The following ABHD17A variants were observed in gnomAD, a reference collection of about 807,000 sequenced individuals.
ABHD17A encodes the protein abhydrolase domain containing 17A, depalmitoylase, also known as alpha/beta hydrolase domain-containing protein 17A.
ABHD17A carries 10 observed loss-of-function variants against 26.8 expected under a neutral mutation model. That is an observed-to-expected ratio of 0.37 (90% confidence interval 0.23 to 0.63). ABHD17A has a LOEUF of 0.63. Among genes scored for constraint, ABHD17A ranks in the 30% least tolerant of loss-of-function variants. The pLI, the probability that ABHD17A is intolerant of heterozygous loss-of-function variation, is 0.61. For synonymous variants in ABHD17A, 167 were observed against 210.9 expected, an observed-to-expected ratio of 0.79 and a Z score of 1.80; for missense variants, 292 against 457.3, an observed-to-expected ratio of 0.64 and a Z score of 3.30.
At chr19:1,881,835 T>C (rs1193646036) in intron 1 of ABHD17A, 31 bp from the exon 2 acceptor site, 3 of 421,268 alleles carry the variant, frequency 7.1e-6, no homozygotes, top group African/African-American at 2.1e-5. Flanking sequence ...GTGGGGTCCT[T>C]TGGGGGTGCC....
At position 1,881,324 on chromosome 19, in the gene ABHD17A, G is replaced by A. The variant is rs778458570; in HGVS notation, c.243C>T (p.Arg81=). ...GGAAGACCTCGATGGTGTCCAGCTCGCGCTGGCTGTACTGGAAGTCGGCAC... is the reference window on the plus strand; with the variant it reads ...GGAAGACCTCGATGGTGTCCAGCTCACGCTGGCTGTACTGGAAGTCGGCAC... ...TERADFQYSQ[R]ELDTIEVFPT... Residue 81 remains arginine (R), a synonymous_variant, in exon 2 of 5, where the codon CGC becomes CGT. Transcript: ENST00000292577. 18 of 1,610,570 alleles carry A rather than the reference G, an allele frequency of 1.1e-5. 1 individual carries two copies. The highest frequency in any genetic ancestry group is 7.7e-5 in the South Asian group (7 of 90,998).
At chr19:1,884,358 C>T (rs2012617458) in intron 1 of ABHD17A, among the ~76,000 whole-genome samples, 1 of 152,154 alleles carries the variant, frequency 6.6e-6, no homozygotes, top group Non-Finnish European at 1.5e-5. Flanking sequence ...TGGAACCTCC[C>T]TAGTGTCACT....
chr19:1,882,263 C>T (rs2012561930), intron 1 of ABHD17A: 1 of 152,362 alleles, frequency 6.6e-6, no homozygotes, highest in South Asian at 2.1e-4. Flanking sequence ...CTGAAGGGAC[C>T]CACGAGGGAC....
At chr19:1,883,266 A>G (rs897049950) in intron 1 of ABHD17A, 4 of 152,280 alleles carry the variant, frequency 2.6e-5, no homozygotes, top group Admixed American at 2.6e-4. Context: ...ACACCTGTCA[A>G]TGTCTGGACA....
rs1327299128 is a variant in ABHD17A, at chr19:1,885,383, C to T, written c.-270G>A. The T allele has an allele frequency of 6.6e-6, 1 of 151,976 alleles. No homozygotes were observed. The highest frequency in any genetic ancestry group is 6.6e-5 in the Admixed American group (1 of 15,178). The allele number at this position is 151,976 out of a possible 1,614,324, so 9.4% of individuals were successfully genotyped here. A position where few individuals can be genotyped will look rare whatever the true frequency, so the allele number is the denominator to read the frequency against. ...GGCCCGCGCCCCCGGGCCCCAGGGCCGCGCTCCATGGCTCCCGGCCGCCCG... is the reference window on the plus strand; with the variant it reads ...GGCCCGCGCCCCCGGGCCCCAGGGCTGCGCTCCATGGCTCCCGGCCGCCCG... On this transcript the variant is annotated 5_prime_UTR_variant, in exon 1 of 5. Transcript: ENST00000292577.
chr19:1,877,375 G>C lies in ABHD17A; in HGVS notation c.758C>G (p.Thr253Arg), dbSNP rs747578605. ...ITSPVLIIHG[T>R]EDEVIDFSHG... ...CGAGAAGTCGATCACCTCGTCCTCC[G>C]TGCCGTGGATGATGAGCACGGGAGA... is the stretch of plus-strand genomic sequence containing the variant. The change falls in exon 5 of 5, where the codon ACG (threonine) becomes AGG (arginine). Residue 253 changes from threonine (T) to arginine (R), a missense_variant. By Grantham distance (71) the Thr-to-Arg change is moderately conservative (BLOSUM62 -1). Around this residue, in one of 4 missense-constraint regions of ABHD17A, gnomAD observed 88 missense variants for 134.3 expected, o/e 0.66. Transcript: ENST00000292577. 2.6e-6 allele frequency: 4 copies of C among 1,556,780 alleles called. No individual in the cohort carries two copies. Among genetic ancestry groups the C allele is most frequent in the East Asian group, 2.3e-5 (1 of 43,176 alleles).
intron 1 of ABHD17A, among the ~76,000 whole-genome samples, chr19:1,884,599 G>C (rs73520853): frequency 0.036 from 5,541 of 152,148 alleles, 320 homozygotes; most frequent in African/African-American, 0.12. Context: ...TGGGAAACCC[G>C]CCTGGGGGGA....
rs767148837 is a variant in ABHD17A at position 1,877,485 on chromosome 19, C to T, written c.707+23G>A. 6.3e-6 allele frequency: 10 copies of T among 1,585,328 alleles called. No homozygotes were observed. In the South Asian group the frequency reaches 8.9e-5, roughly 14 times the overall value. ...GCCCGGCCCGGGCCCCGCCCCGCCC[C>T]CGTCCCCGCCCGGGCCGCTCACTTA... On this transcript the variant is annotated intron_variant, in intron 4 of 4. Coordinates refer to ENST00000292577, the MANE Select transcript of ABHD17A (RefSeq NM_001130111.2).
intron 4 of ABHD17A, 37 bp from the exon 5 acceptor site, chr19:1,877,462 C>T: frequency 6.4e-7 from 1 of 1,570,490 alleles, no homozygotes; most frequent in Non-Finnish European, 8.6e-7. Context: ...GACTTCGCGC[C>T]CGGCCCGGGC....
rs947324996 is a variant in ABHD17A at position 1,877,382 on chromosome 19, G to A, written c.751C>T (p.His251Tyr). 1.9e-6 allele frequency: 3 copies of A among 1,561,130 alleles called. No homozygotes were observed. Among genetic ancestry groups the A allele is most frequent in the Admixed American group, 3.8e-5 (2 of 53,318 alleles). ...SKITSPVLII[H>Y]GTEDEVIDFS... ...TCGATCACCTCGTCCTCCGTGCCGTGGATGATGAGCACGGGAGACGTGATC... is the reference window on the plus strand; with the variant it reads ...TCGATCACCTCGTCCTCCGTGCCGTAGATGATGAGCACGGGAGACGTGATC... The change falls in exon 5 of 5, where the codon CAC becomes TAC. Residue 251 changes from histidine (H) to tyrosine (Y), a missense_variant. Coordinates refer to ENST00000292577, the MANE Select transcript of ABHD17A (RefSeq NM_001130111.2).
At position 1,879,442 on chromosome 19, in the gene ABHD17A, C is replaced by T. The variant is rs868175469; in HGVS notation, c.527+479G>A. On this transcript the variant is annotated intron_variant, in intron 3 of 4. Transcript: ENST00000292577. This position sits in a 1 kb window ranked among gnomAD's most constrained non-coding sequence, Gnocchi z 7.6. ...TCGGATGTGTGCTGCGGGTCTGCAC[C>T]TTACCCTGTAGGCCCTGCCCCAGGA... 46 of 232,154 alleles carry T rather than the reference C, an allele frequency of 2.0e-4. No homozygotes were observed. In the Middle Eastern group the frequency reaches 5.1e-3, roughly 26 times the overall value. 14.4% of individuals were successfully genotyped at this position (232,154 alleles called of 1,614,324 possible).
chr19:1,877,485 C>G (rs767148837), intron 4 of ABHD17A, 23 bp downstream of exon 4: 2 of 1,585,328 alleles, frequency 1.3e-6, no homozygotes, highest in African/African-American at 1.3e-5. Context: ...CGCCCCGCCC[C>G]CGTCCCCGCC....
At chr19:1,878,783 C>A (rs1469914530) in intron 3 of ABHD17A, 1 of 152,500 alleles carries the variant, frequency 6.6e-6, no homozygotes, top group Non-Finnish European at 1.5e-5. Flanking sequence ...GCCCTGCCAC[C>A]TGCTACAGGC....
Position 1,881,215 on chromosome 19 carries a change from G to A in ABHD17A, c.332+20C>T. 1 of 1,610,530 alleles carries A rather than the reference G, an allele frequency of 6.2e-7. No individual in the cohort carries two copies. The highest frequency in any genetic ancestry group is 8.5e-7 in the Non-Finnish European group (1 of 1,179,580). On this transcript the variant is annotated intron_variant, in intron 2 of 4. Coordinates refer to ENST00000292577, the MANE Select transcript of ABHD17A (RefSeq NM_001130111.2). The stretch of plus-strand genomic sequence containing the variant: ...CCAAGAACAGGGTGACCCAGCCCAG[G>A]CGCGGCCACAGCTGCTCACCTGGCA...
rs934340312 is a variant in ABHD17A at position 1,877,048 on chromosome 19, T to C, written c.*152A>G. On this transcript the variant is annotated 3_prime_UTR_variant, in exon 5 of 5. Coordinates refer to ENST00000292577, the MANE Select transcript of ABHD17A (RefSeq NM_001130111.2). ...TTCCAAAAGGAAAGGAGTGCGTAGCTCTGTTGCCTGTACATCGTCCACAGC... is the reference window on the plus strand; with the variant it reads ...TTCCAAAAGGAAAGGAGTGCGTAGCCCTGTTGCCTGTACATCGTCCACAGC... 1.7e-6 allele frequency: 1 copy of C among 600,838 alleles called. No homozygotes were observed. Among genetic ancestry groups the C allele is most frequent in the African/African-American group, 1.9e-5 (1 of 53,462 alleles). The allele number at this position is 600,838 out of a possible 1,614,324, so 37.2% of individuals were successfully genotyped here. A position where few individuals can be genotyped will look rare whatever the true frequency, so the allele number is the denominator to read the frequency against.
rs1439681473 is a variant in ABHD17A at position 1,877,576 on chromosome 19, C to A, written c.639G>T (p.Pro213=). The A allele has an allele frequency of 6.3e-7, 1 of 1,595,240 alleles. No individual in the cohort carries two copies. Among genetic ancestry groups the A allele is most frequent in the Non-Finnish European group, 8.5e-7 (1 of 1,178,968 alleles). ...AGGCGACGCGCATGCCCGAGGTGAG[C>A]GGCGAGTGCAGCACCACCGCGGCAC... ...YECAAVVLHS[P]LTSGMRVAFP... Residue 213 remains proline, a synonymous_variant, in exon 4 of 5, where the codon CCG becomes CCT. Transcript: ENST00000292577.
chr19:1,877,994 G>A (rs2012419141), intron 3 of ABHD17A: 3 of 415,746 alleles, frequency 7.2e-6, no homozygotes, highest in Non-Finnish European at 1.3e-5. Context: ...AGGCCCTGGC[G>A]CCTCTCCTCC....
rs1166466906 is a variant in ABHD17A, at chr19:1,877,567, C to T, written c.648G>A (p.Ser216=). 6.3e-7 allele frequency: 1 copy of T among 1,595,330 alleles called. No homozygotes were observed. The highest frequency in any genetic ancestry group is 8.5e-7 in the Non-Finnish European group (1 of 1,179,010). Residue 216 remains serine (S), a synonymous_variant, in exon 4 of 5, where the codon TCG becomes TCA. Coordinates refer to ENST00000292577, the MANE Select transcript of ABHD17A (RefSeq NM_001130111.2). ...AAVVLHSPLT[S]GMRVAFPDTK... ...TGTCGGGGAAGGCGACGCGCATGCC[C>T]GAGGTGAGCGGCGAGTGCAGCACCA...
In ABHD17A at chr19:1,877,493, G is replaced by A; in HGVS notation, c.707+15C>T. The A allele has an allele frequency of 6.3e-7, 1 of 1,582,966 alleles. No homozygotes were observed. Among genetic ancestry groups the A allele is most frequent in the Admixed American group, 1.7e-5 (1 of 58,760 alleles). ...CGGGCCCCGCCCCGCCCCCGTCCCC[G>A]CCCGGGCCGCTCACTTAGGGAAGGC... On this transcript the variant is annotated intron_variant, in intron 4 of 4. Coordinates refer to ENST00000292577, the MANE Select transcript of ABHD17A (RefSeq NM_001130111.2).
Sources: gnomAD v4.1 joint callset for allele counts (sites outside exome capture counted in the v4.1 genomes callset) on GRCh38, gnomAD v4.1.1 for gene constraint, gnomAD v4.1.1 regional missense constraint, Gnocchi (gnomAD v3.1) non-coding constraint, MANE v1.5 for transcripts, NCBI Gene and HGNC (gene_info 2026-07-23, HGNC 2026-07-21) for gene names.